STK3: variants seen among roughly 807,000 people sequenced by gnomAD.
STK3 encodes serine/threonine kinase 3, also known as serine/threonine-protein kinase 3.
In STK3, 41 loss-of-function variants were observed where a neutral mutation model predicts 58.0. That is an observed-to-expected ratio of 0.71 (90% confidence interval 0.55 to 0.92). The LOEUF is 0.92. Among genes scored for constraint, STK3 ranks in the 40% least tolerant of loss-of-function variants. The pLI is 0.00. For synonymous variants in STK3, 170 were observed against 191.0 expected, an observed-to-expected ratio of 0.89 and a Z score of 0.91; for missense variants, 479 against 602.7, an observed-to-expected ratio of 0.79 and a Z score of 2.15.
At chr8:98,686,908 C>G (rs890254513) in intron 6 of STK3, among the ~76,000 whole-genome samples, 2 of 151,998 alleles carry the variant, frequency 1.3e-5, no homozygotes, top group African/African-American at 4.8e-5. Flanking sequence ...ATGAAAAAAG[C>G]CTTCAAGAAA....
intron 10 of STK3, among the ~76,000 whole-genome samples, chr8:98,462,734 T>C (rs1244620994): frequency 3.3e-5 from 5 of 152,222 alleles, no homozygotes; most frequent in Non-Finnish European, 7.3e-5. Flanking sequence ...TTTTTCAAAC[T>C]TCTTTATGTT....
intron 3 of STK3, among the ~76,000 whole-genome samples, chr8:98,407,762 G>A (rs1046169960): frequency 2.7e-5 from 4 of 149,312 alleles, no homozygotes; most frequent in South Asian, 2.1e-4. Context: ...GTGTGTGCGC[G>A]CGCGCGCGCA....
At chr8:98,931,274 T>C (rs1839994694) in intron 1 of STK3, among the ~76,000 whole-genome samples, 2 of 152,224 alleles carry the variant, frequency 1.3e-5, no homozygotes, top group Non-Finnish European at 2.9e-5. Flanking sequence ...TTGGAACAAA[T>C]GTTTGGCTGA....
intron 3 of STK3, among the ~76,000 whole-genome samples, chr8:98,869,787 C>A: frequency 8.5e-6 from 1 of 118,274 alleles, no homozygotes; most frequent in Non-Finnish European, 1.7e-5. Context: ...ATATCATTGT[C>A]TTTGAAGAAG....
chr8:98,689,245 A>T (rs868154905), intron 6 of STK3, among the ~76,000 whole-genome samples: 1 of 152,150 alleles, frequency 6.6e-6, no homozygotes, highest in Admixed American at 6.6e-5. Context: ...AAGTAACAAG[A>T]TTCAATCAGA....
At chr8:98,657,734 G>GT (rs565597415) in intron 6 of STK3, among the ~76,000 whole-genome samples, 147 of 152,038 alleles carry the variant, frequency 9.7e-4, no homozygotes, top group Middle Eastern at 6.8e-3. Flanking sequence ...AGTATTAAGA[G>GT]TATCTTAATG....
intron 6 of STK3, among the ~76,000 whole-genome samples, chr8:98,628,613 A>G (rs1317349537): frequency 2.0e-5 from 3 of 152,058 alleles, no homozygotes; most frequent in Non-Finnish European, 4.4e-5. Context: ...CCTGGGCAAA[A>G]TAGCGCAACC....
At chr8:98,595,622 T>A (rs951877702) in intron 7 of STK3, 2 of 153,078 alleles carry the variant, frequency 1.3e-5, no homozygotes, top group Non-Finnish European at 2.9e-5. Flanking sequence ...TCAAAAAAAA[T>A]TGAAACTCTG....
intron 6 of STK3, among the ~76,000 whole-genome samples, chr8:98,692,892 C>A (rs1291549336): frequency 6.6e-6 from 1 of 151,968 alleles, no homozygotes; most frequent in East Asian, 1.9e-4. Context: ...TGAAAAATGG[C>A]CATCCTCAGA....
chr8:98,521,363 A>C (rs893077260), intron 10 of STK3, among the ~76,000 whole-genome samples: 1 of 151,968 alleles, frequency 6.6e-6, no homozygotes, highest in African/African-American at 2.4e-5. Flanking sequence ...CACCTTAACT[A>C]ATCAAAATAG....
At chr8:98,858,245 G>A (rs1207331932) in intron 3 of STK3, among the ~76,000 whole-genome samples, 5 of 141,496 alleles carry the variant, frequency 3.5e-5, no homozygotes, top group Non-Finnish European at 7.6e-5. Context: ...AGCCGGATGT[G>A]GTGGCATGCA....
At position 98,934,036 on chromosome 8, in the gene STK3, C is replaced by T. The variant is rs1173158285; in HGVS notation, c.-79+8342G>A. The stretch of plus-strand genomic sequence containing the variant: ...GTGTGGGGTCTGCTTGCAGTTTTGA[C>T]TCTGCCCCTCTGGGGAACCCAAGCT... On this transcript the variant is annotated intron_variant, in intron 1 of 1. Transcript: ENST00000519420. Among the ~76,000 whole-genome samples the T allele has an allele frequency of 2.0e-5, 3 of 152,182 alleles. No individual in the cohort carries two copies. In the East Asian group the frequency reaches 5.8e-4, roughly 29 times the overall value.
At chr8:98,440,754 T>C (rs1340688230) in intron 1 of STK3, among the ~76,000 whole-genome samples, 1 of 152,254 alleles carries the variant, frequency 6.6e-6, no homozygotes, top group Non-Finnish European at 1.5e-5. Flanking sequence ...TAACATTCAC[T>C]AGGCACATGT....
At chr8:98,839,497 A>G (rs1835882101) in intron 3 of STK3, among the ~76,000 whole-genome samples, 1 of 152,222 alleles carries the variant, frequency 6.6e-6, no homozygotes, top group Non-Finnish European at 1.5e-5. Context: ...ACATTTATTC[A>G]TTAAGTTGCC....
At chr8:98,940,123 C>A (rs1176827120) in intron 1 of STK3, among the ~76,000 whole-genome samples, 1 of 152,030 alleles carries the variant, frequency 6.6e-6, no homozygotes, top group Non-Finnish European at 1.5e-5. Context: ...CCCGGGAGCC[C>A]GCTCCTACCC....
intron 6 of STK3, among the ~76,000 whole-genome samples, chr8:98,704,452 T>C (rs887069155): frequency 6.6e-6 from 1 of 152,086 alleles, no homozygotes; most frequent in African/African-American, 2.4e-5. Flanking sequence ...AGAAATTGCC[T>C]ATATACAAAA....
At chr8:98,349,392 G>T in the STK3 span, among the ~76,000 whole-genome samples, 4 of 152,206 alleles carry the variant, frequency 2.6e-5, no homozygotes, top group Admixed American at 2.6e-4. Context: ...TTTGCAAGGT[G>T]TGGCCTCCCT....
intron 10 of STK3, among the ~76,000 whole-genome samples, chr8:98,491,044 T>C (rs1183832165): frequency 2.0e-5 from 3 of 152,166 alleles, no homozygotes; most frequent in Non-Finnish European, 2.9e-5. Flanking sequence ...GTGGAAAAGA[T>C]AGCAAGATAT....
intron 1 of STK3, among the ~76,000 whole-genome samples, chr8:98,903,576 G>C: frequency 8.3e-6 from 1 of 120,626 alleles, no homozygotes; most frequent in East Asian, 2.4e-4. Context: ...TTTTTAAGTG[G>C]GGCCTTGCTC....
Sources: gnomAD v4.1 joint callset for allele counts (sites outside exome capture counted in the v4.1 genomes callset) on GRCh38, gnomAD v4.1.1 for gene constraint, MANE v1.5 for transcripts, NCBI Gene and HGNC (gene_info 2026-07-23, HGNC 2026-07-21) for gene names.